MIPOL1: variants seen among roughly 807,000 people sequenced by gnomAD.
The protein encoded by MIPOL1 is mirror-image polydactyly gene 1 protein.
A neutral mutation model predicts 60.9 loss-of-function variants in MIPOL1; 57 were observed. The observed-to-expected ratio is 0.94, with a 90% confidence interval of 0.76 to 1.17. The LOEUF (loss-of-function observed/expected upper bound fraction) is 1.17. Ranked by LOEUF, MIPOL1 falls within the 50% of genes most tolerant of loss-of-function variation. MIPOL1 has a pLI of 0.00. For missense variants in MIPOL1, 551 were observed against 511.6 expected, an observed-to-expected ratio of 1.08 and a Z score of -0.74; for synonymous variants, 179 against 168.8, an observed-to-expected ratio of 1.06 and a Z score of -0.47.
chr14:37,448,974 A>G (rs945346283), intron 11 of MIPOL1, among the ~76,000 whole-genome samples: 2 of 152,098 alleles, frequency 1.3e-5, no homozygotes, highest in East Asian at 1.9e-4. Context: ...TTTTTACACA[A>G]CTCTTCAAAC....
rs1029589138 is a variant in MIPOL1 at position 37,548,101 on chromosome 14, A to C, written c.*1130A>C. 1.6e-4 allele frequency: 24 copies of C among 152,086 alleles called. No individual in the cohort carries two copies. The highest frequency in any genetic ancestry group is 5.8e-4 in the African/African-American group (24 of 41,458). 9.4% of individuals were successfully genotyped at this position (152,086 alleles called of 1,614,324 possible). A position where few individuals can be genotyped will look rare whatever the true frequency, so the allele number is the denominator to read the frequency against. ...AAGAGGAAATGACTGTGCCTGGAACAGGATGAAATAGACAAGTAGAGATTT... is the reference window on the plus strand; with the variant it reads ...AAGAGGAAATGACTGTGCCTGGAACCGGATGAAATAGACAAGTAGAGATTT... On this transcript the variant is annotated 3_prime_UTR_variant, in exon 13 of 13. Coordinates refer to ENST00000684589, the MANE Select transcript of MIPOL1 (RefSeq NM_001388067.1).
chr14:37,233,154 G>T (rs1193593879), intron 1 of MIPOL1, among the ~76,000 whole-genome samples: 1 of 152,044 alleles, frequency 6.6e-6, no homozygotes, highest in East Asian at 1.9e-4. Context: ...CACCATTTGG[G>T]CTTGATTCAG....
intron 9 of MIPOL1, among the ~76,000 whole-genome samples, chr14:37,337,968 GT>G: frequency 6.6e-6 from 1 of 151,594 alleles, no homozygotes; most frequent in East Asian, 1.9e-4. Context: ...ATTTACTCCT[GT>G]TTTTTCCTAA....
intron 10 of MIPOL1, among the ~76,000 whole-genome samples, chr14:37,405,502 G>C (rs1309607602): frequency 6.6e-6 from 1 of 151,848 alleles, no homozygotes; most frequent in Non-Finnish European, 1.5e-5. Context: ...AATCTTGCTT[G>C]GTTTATTTTA....
chr14:37,281,189 A>T (rs537371350), intron 6 of MIPOL1, among the ~76,000 whole-genome samples: 5 of 152,310 alleles, frequency 3.3e-5, no homozygotes, highest in Non-Finnish European at 7.4e-5. Context: ...TTCTTGAATA[A>T]GGGATGAGAT....
chr14:37,455,582 G>T (rs1025818065), intron 11 of MIPOL1, among the ~76,000 whole-genome samples: 1 of 151,972 alleles, frequency 6.6e-6, no homozygotes, highest in Non-Finnish European at 1.5e-5. Flanking sequence ...TTTTGCTCAT[G>T]CTGCCTCATG....
intron 11 of MIPOL1, among the ~76,000 whole-genome samples, chr14:37,464,787 A>C (rs988395271): frequency 2.0e-5 from 3 of 152,226 alleles, no homozygotes; most frequent in African/African-American, 7.2e-5. Context: ...AGTTAATGCA[A>C]CTTATCTTTT....
At position 37,499,024 on chromosome 14, in the gene MIPOL1, G is replaced by A. The variant is rs189169286; in HGVS notation, c.1032-884G>A. ...TGTTTTACTTCAAATGTCTCCAATCGACATTTCCTTTGTATGCATATACTG... is the reference window on the plus strand; with the variant it reads ...TGTTTTACTTCAAATGTCTCCAATCAACATTTCCTTTGTATGCATATACTG... On this transcript the variant is annotated intron_variant, in intron 11 of 12. Coordinates refer to ENST00000684589, the MANE Select transcript of MIPOL1 (RefSeq NM_001388067.1). Among the ~76,000 whole-genome samples the A allele has an allele frequency of 2.1e-3, 315 of 151,952 alleles. 1 individual carries two copies. Among genetic ancestry groups the A allele is most frequent in the Middle Eastern group, 6.8e-3 (2 of 294 alleles).
chr14:37,262,805 G>C (rs1353134792), intron 3 of MIPOL1, among the ~76,000 whole-genome samples: 5 of 152,094 alleles, frequency 3.3e-5, no homozygotes, highest in African/African-American at 1.2e-4. Context: ...GGGAACCCTA[G>C]AGACAATTCT....
At chr14:37,425,556 G>A (rs981842004) in intron 11 of MIPOL1, among the ~76,000 whole-genome samples, 4 of 152,134 alleles carry the variant, frequency 2.6e-5, no homozygotes, top group East Asian at 1.9e-4. Context: ...ATGTGTGGTC[G>A]TGTATAAATG....
chr14:37,270,549 A>G (rs776897626), intron 6 of MIPOL1, 24 bp downstream of exon 6: 3 of 1,302,548 alleles, frequency 2.3e-6, no homozygotes, highest in Non-Finnish European at 3.2e-6. Context: ...GTATTAACAC[A>G]TGGCTTGAAG....
intron 12 of MIPOL1, among the ~76,000 whole-genome samples, chr14:37,534,018 G>A (rs1244358645): frequency 1.3e-5 from 2 of 150,522 alleles, no homozygotes; most frequent in African/African-American, 2.5e-5. Flanking sequence ...AACCCAGGAG[G>A]TGGAGATTGC....
intron 10 of MIPOL1, among the ~76,000 whole-genome samples, chr14:37,378,381 G>C (rs1218430464): frequency 6.6e-6 from 1 of 151,942 alleles, no homozygotes; most frequent in East Asian, 1.9e-4. Context: ...ACTCAGATGG[G>C]TCTCAAGGGC....
chr14:37,360,301 C>T (rs1439335166), intron 9 of MIPOL1, among the ~76,000 whole-genome samples: 18 of 152,030 alleles, frequency 1.2e-4, no homozygotes, highest in Admixed American at 1.2e-3. Context: ...TGTGTCTCTG[C>T]CACGCTTTGG....
chr14:37,234,466 C>T (rs909834022), intron 1 of MIPOL1, among the ~76,000 whole-genome samples: 15 of 151,196 alleles, frequency 9.9e-5, no homozygotes, highest in Admixed American at 3.3e-4. Context: ...GCTGGTATTA[C>T]AGGCATGAGC....
intron 7 of MIPOL1, among the ~76,000 whole-genome samples, chr14:37,287,280 T>G (rs2084653629): frequency 6.6e-6 from 1 of 152,026 alleles, no homozygotes; most frequent in South Asian, 2.1e-4. Flanking sequence ...AGAGTCTTGC[T>G]ATATCACACA....
chr14:37,524,565 C>T lies in MIPOL1; in HGVS notation c.1263-22340C>T, dbSNP rs201055434. On this transcript the variant is annotated intron_variant, in intron 12 of 12. Coordinates refer to ENST00000684589, the MANE Select transcript of MIPOL1 (RefSeq NM_001388067.1). ...TCTTGACATCTTAATTTTTCTTTTT[C>T]TTTTCTTTTTTTTTTTTTTTGAGAT... is the stretch of plus-strand genomic sequence containing the variant. 2.9e-3 allele frequency among the ~76,000 whole-genome samples: 360 copies of T among 124,652 alleles called. 29 individuals are homozygous for T. The highest frequency in any genetic ancestry group is 9.5e-3 in the Middle Eastern group (2 of 210). The allele number at this position is 124,652 out of a possible 152,430, so 81.8% of individuals were successfully genotyped here.
At chr14:37,272,438 A>T (rs1161033525) in intron 6 of MIPOL1, among the ~76,000 whole-genome samples, 2 of 151,672 alleles carry the variant, frequency 1.3e-5, no homozygotes, top group African/African-American at 2.4e-5. Context: ...GGTTTAAAAC[A>T]ACAAAAAATT....
chr14:37,501,589 T>C (rs2095216139), intron 12 of MIPOL1: 1 of 152,178 alleles, frequency 6.6e-6, no homozygotes, highest in African/African-American at 2.4e-5. Flanking sequence ...AATAATATCA[T>C]CTCAGATAAT....
Sources: gnomAD v4.1 joint callset for allele counts (sites outside exome capture counted in the v4.1 genomes callset) on GRCh38, gnomAD v4.1.1 for gene constraint, MANE v1.5 for transcripts, NCBI Gene and HGNC (gene_info 2026-07-23, HGNC 2026-07-21) for gene names.